Variants in AGFG1 observed in about 807,000 individuals in gnomAD.
The protein encoded by AGFG1 is ArfGAP with FG repeats 1.
In AGFG1, 10 loss-of-function variants were observed where a neutral mutation model predicts 60.6. The ratio of observed to expected loss-of-function variants is 0.16; its 90% CI spans 0.10 to 0.28. AGFG1 has a LOEUF of 0.28. Ranked by LOEUF, AGFG1 falls within the 10% of genes least tolerant of loss-of-function variation. The pLI is 1.00. For missense variants in AGFG1, 537 were observed against 676.5 expected, an observed-to-expected ratio of 0.79 and a Z score of 2.29; for synonymous variants, 247 against 242.9, an observed-to-expected ratio of 1.02 and a Z score of -0.16.
At chr2:227,524,117 T>C (rs1691907380) in intron 4 of AGFG1, among the ~76,000 whole-genome samples, 192 bp downstream of exon 4, 1 of 152,068 alleles carries the variant, frequency 6.6e-6, no homozygotes, top group South Asian at 2.1e-4. Context: ...TTGCTATTGC[T>C]AATATGAGTT....
chr2:227,539,822 G>A (rs532627411), intron 10 of AGFG1, among the ~76,000 whole-genome samples: 30 of 150,700 alleles, frequency 2.0e-4, no homozygotes, highest in African/African-American at 7.3e-4. Context: ...AGTTTTATCA[G>A]TATATTTCTC....
chr2:227,547,718 T>C (rs969759919), intron 10 of AGFG1, among the ~76,000 whole-genome samples: 8 of 152,004 alleles, frequency 5.3e-5, no homozygotes, highest in Admixed American at 4.6e-4. Flanking sequence ...GTAGAGAAAA[T>C]AGAAACCTCG....
At chr2:227,533,024 G>A (rs952067708) in intron 6 of AGFG1, among the ~76,000 whole-genome samples, 1 of 152,168 alleles carries the variant, frequency 6.6e-6, no homozygotes, top group Admixed American at 6.6e-5. Context: ...GAATTAAATA[G>A]TAGCTCTTCA....
chr2:227,554,045 C>G (rs1692898924), intron 12 of AGFG1, among the ~76,000 whole-genome samples: 1 of 152,122 alleles, frequency 6.6e-6, no homozygotes, highest in Non-Finnish European at 1.5e-5. Context: ...GACAGTAGAT[C>G]AGCTATTTTA....
chr2:227,487,710 A>G (rs1173534058), intron 1 of AGFG1, among the ~76,000 whole-genome samples: 1 of 138,692 alleles, frequency 7.2e-6, no homozygotes, highest in East Asian at 2.1e-4. Flanking sequence ...AGTGTTTGAG[A>G]CTACTCATGT....
In AGFG1 at chr2:227,556,071, A is replaced by T. The variant is rs902876041; in HGVS notation, c.*1576A>T. On this transcript the variant is annotated 3_prime_UTR_variant, in exon 13 of 13. Transcript: ENST00000310078. The stretch of plus-strand genomic sequence containing the variant: ...CACTATACTACATCATCTGATGATT[A>T]TTCTTTATTATGCCTCTAGGTAATT... 13 of 152,244 alleles carry T rather than the reference A, an allele frequency of 8.5e-5. No homozygotes were observed. The highest frequency in any genetic ancestry group is 2.9e-4 in the African/African-American group (12 of 41,464). The allele number at this position is 152,244 out of a possible 1,614,324, so 9.4% of individuals were successfully genotyped here.
chr2:227,494,899 G>A (rs574401911), intron 2 of AGFG1, among the ~76,000 whole-genome samples: 3 of 152,298 alleles, frequency 2.0e-5, no homozygotes, highest in South Asian at 4.1e-4. Flanking sequence ...TTGTATTTTA[G>A]TCATCAATAA....
intron 10 of AGFG1, among the ~76,000 whole-genome samples, 200 bp from the exon 11 acceptor site, chr2:227,551,759 A>G (rs1169553813): frequency 6.6e-6 from 1 of 152,226 alleles, no homozygotes; most frequent in Non-Finnish European, 1.5e-5. Context: ...TGTGTTTTAG[A>G]AGAATAAAAT....
At position 227,491,565 on chromosome 2, in the gene AGFG1, A is replaced by G. The variant is rs946852953; in HGVS notation, c.186A>G (p.Pro62=). The G allele has an allele frequency of 1.9e-6, 3 of 1,556,992 alleles. No individual in the cohort carries two copies. The African/African-American group carries it at 4.1e-5, about 22-fold the overall frequency. Residue 62 remains proline (P), a synonymous_variant, in exon 2 of 13, where the codon CCA becomes CCG. Transcript: ENST00000310078. ...CTTTTAGGCGAGGATTAAATCCACC[A>G]CACAGGGTGAAATCTATCTCCATGA... ...CSGSLRGLNP[P]HRVKSISMTT...
intron 1 of AGFG1, among the ~76,000 whole-genome samples, chr2:227,483,894 T>G (rs1481582693): frequency 6.6e-6 from 1 of 152,182 alleles, no homozygotes; most frequent in Non-Finnish European, 1.5e-5. Flanking sequence ...TTTTGATTTT[T>G]CCCTTTTACT....
intron 7 of AGFG1, 38 bp downstream of exon 7, chr2:227,533,796 T>TA: frequency 6.5e-7 from 1 of 1,545,584 alleles, no homozygotes; most frequent in Non-Finnish European, 8.9e-7. Context: ...AAATTTGTGT[T>TA]AAACAGTGCT....
intron 2 of AGFG1, among the ~76,000 whole-genome samples, chr2:227,506,422 C>G (rs1041527902): frequency 1.3e-5 from 2 of 152,068 alleles, no homozygotes; most frequent in African/African-American, 4.8e-5. Context: ...CATCTCTCTT[C>G]TGGGATTTAG....
chr2:227,528,564 A>G (rs2106214697), intron 5 of AGFG1, among the ~76,000 whole-genome samples: 1 of 152,276 alleles, frequency 6.6e-6, no homozygotes, highest in Non-Finnish European at 1.5e-5. Flanking sequence ...ATTTATGAAT[A>G]TATTCTGGTT....
At chr2:227,543,514 G>C (rs1331808023) in intron 10 of AGFG1, among the ~76,000 whole-genome samples, 3 of 152,186 alleles carry the variant, frequency 2.0e-5, no homozygotes, top group African/African-American at 7.2e-5. Context: ...ACTGTGGTCT[G>C]AGAGACAGTT....
chr2:227,547,258 A>T (rs1692678861), intron 10 of AGFG1, among the ~76,000 whole-genome samples: 2 of 152,194 alleles, frequency 1.3e-5, no homozygotes, highest in African/African-American at 4.8e-5. Flanking sequence ...AAAAGCAAAG[A>T]AAAAACCCTA....
Position 227,526,848 on chromosome 2 carries a change from A to C in AGFG1, c.694+1933A>C, listed in dbSNP as rs62190985. ...TGTGAGCCACTCTGCCCGGCCCTAA[A>C]GATACTTTTTTGATAGAACTCTTGT... is the stretch of plus-strand genomic sequence containing the variant. On this transcript the variant is annotated intron_variant, in intron 5 of 12. Transcript: ENST00000310078. 3.7e-3 allele frequency among the ~76,000 whole-genome samples: 566 copies of C among 152,142 alleles called. 2 individuals are homozygous for C. Among genetic ancestry groups the C allele is most frequent in the Non-Finnish European group, 6.2e-3 (423 of 67,970 alleles).
At position 227,554,657 on chromosome 2, in the gene AGFG1, C is replaced by T. The variant is rs13408988; in HGVS notation, c.*162C>T. 19,988 of 554,892 alleles carry T rather than the reference C, an allele frequency of 0.036. 504 individuals are homozygous for T. Among genetic ancestry groups the T allele is most frequent in the African/African-American group, 0.099 (5,187 of 52,538 alleles). 34.4% of individuals were successfully genotyped at this position (554,892 alleles called of 1,614,324 possible). ...AAACACCAGGTAATATGTGCAAAAC[C>T]GAGGGCTCCAGTAACACCTTCTAAC... On this transcript the variant is annotated 3_prime_UTR_variant, in exon 13 of 13. Coordinates refer to ENST00000310078, the MANE Select transcript of AGFG1 (RefSeq NM_004504.5).
chr2:227,510,961 A>G (rs1423706327), intron 2 of AGFG1: 2 of 152,154 alleles, frequency 1.3e-5, no homozygotes, highest in African/African-American at 4.8e-5. Flanking sequence ...ATCCCTTTTC[A>G]AATGTTTTAT....
At chr2:227,503,144 G>T (rs952943018) in intron 2 of AGFG1, among the ~76,000 whole-genome samples, 1 of 151,680 alleles carries the variant, frequency 6.6e-6, no homozygotes, top group African/African-American at 2.4e-5. Context: ...GAGGTGGGGG[G>T]ATCACCTGAG....
Sources: allele counts gnomAD v4.1 joint callset (sites outside exome capture counted in the v4.1 genomes callset), GRCh38; gene constraint gnomAD v4.1.1; transcripts MANE v1.5; gene names NCBI Gene and HGNC (gene_info 2026-07-23, HGNC 2026-07-21).